Variants in ANKRD26 observed in about 807,000 individuals in gnomAD.
The protein encoded by ANKRD26 is ankyrin repeat domain 26, also known as ankyrin repeat domain-containing protein 26.
In ANKRD26, 141 loss-of-function variants were observed where a neutral mutation model predicts 208.7. The ratio of observed to expected loss-of-function variants is 0.68; its 90% CI spans 0.59 to 0.78. The LOEUF is 0.78. ANKRD26 is among the 30% of genes least tolerant of loss of function. The pLI, the probability that ANKRD26 is intolerant of heterozygous loss-of-function variation, is 0.00. For missense variants in ANKRD26, 1,889 were observed against 1,938.7 expected (o/e 0.97, Z 0.48); for synonymous variants, 636 against 660.4 (o/e 0.96, Z 0.57).
At chr10:27,091,049 T>C (rs2056282604) in intron 4 of ANKRD26, among the ~76,000 whole-genome samples, 1 of 151,404 alleles carries the variant, frequency 6.6e-6, no homozygotes, top group Admixed American at 6.6e-5. Context: ...GGAGCCAACA[T>C]CACACCATTG....
intron 32 of ANKRD26, among the ~76,000 whole-genome samples, chr10:27,012,465 A>G (rs1310810392): frequency 6.6e-6 from 1 of 152,138 alleles, no homozygotes; most frequent in Admixed American, 6.5e-5. Flanking sequence ...TTTACTTATC[A>G]AGCATAAGTC....
chr10:27,017,669 G>T lies in ANKRD26; in HGVS notation c.4339C>A (p.Leu1447Ile). Residue 1447 changes from leucine (L) to isoleucine (I), a missense_variant, in exon 30 of 34, where the codon CTA becomes ATA. By Grantham distance (5) the Leu-to-Ile change is conservative. This residue lies in a region of ANKRD26 where 613 missense variants were observed against 648.2 expected (regional missense o/e 0.95). Transcript: ENST00000376087. Reference sequence around the variant, plus strand: ...TCCAACTTCTTTTTATTCTTCTGTAGTTTTTCACATTTCTTTTGTACTGTT... The same window carrying T: ...TCCAACTTCTTTTTATTCTTCTGTATTTTTTCACATTTCTTTTGTACTGTT... The part of the protein sequence containing the change: ...MKTVQKKCEK[L>I]QKNKKKLEQE... 6.2e-7 allele frequency: 1 copy of T among 1,613,374 alleles called. No individual in the cohort carries two copies. The highest frequency in any genetic ancestry group is 8.5e-7 in the Non-Finnish European group (1 of 1,179,802).
At chr10:27,040,674 A>T (rs1456778355) in intron 20 of ANKRD26, among the ~76,000 whole-genome samples, 1 of 152,206 alleles carries the variant, frequency 6.6e-6, no homozygotes, top group Non-Finnish European at 1.5e-5. Flanking sequence ...AAAATACATG[A>T]AACAACGAGT....
the ANKRD26 span, among the ~76,000 whole-genome samples, chr10:26,964,590 C>G: frequency 1.3e-5 from 2 of 152,174 alleles, no homozygotes; most frequent in African/African-American, 4.8e-5. Context: ...AGTGGCTTCC[C>G]ATCTCATCAG....
chr10:27,020,521 G>A (rs900688290), intron 29 of ANKRD26, among the ~76,000 whole-genome samples: 41 of 151,664 alleles, frequency 2.7e-4, no homozygotes, highest in African/African-American at 8.8e-4. Flanking sequence ...CCATGAGCTC[G>A]GTTTTCTTTT....
At chr10:27,026,220 T>G (rs1242111618) in intron 27 of ANKRD26, among the ~76,000 whole-genome samples, 4 of 152,226 alleles carry the variant, frequency 2.6e-5, no homozygotes. Context: ...AGTGTACATT[T>G]CAAAGTGACT....
chr10:27,020,886 T>A (rs1177014908), intron 29 of ANKRD26, among the ~76,000 whole-genome samples: 1 of 152,124 alleles, frequency 6.6e-6, no homozygotes, highest in Non-Finnish European at 1.5e-5. Context: ...GTCTCGGAAC[T>A]CCTGACTTCA....
chr10:26,951,754 A>T, the ANKRD26 span, among the ~76,000 whole-genome samples: 37 of 152,206 alleles, frequency 2.4e-4, no homozygotes, highest in South Asian at 4.1e-4. Context: ...ATGTTGAATA[A>T]TATTAATTAT....
At chr10:26,987,181 C>CA (rs1297704224), downstream of ANKRD26, among the ~76,000 whole-genome samples, 2 of 151,364 alleles carry the variant, frequency 1.3e-5, no homozygotes, top group Admixed American at 6.6e-5. Flanking sequence ...ATTGCAAGGA[C>CA]AAAAAACCAA....
chr10:27,037,495 T>C (rs2054083393), intron 22 of ANKRD26, among the ~76,000 whole-genome samples, 172 bp from the exon 23 acceptor site: 1 of 152,186 alleles, frequency 6.6e-6, no homozygotes. Context: ...GACAGCTAAA[T>C]TAATCAAAAA....
At position 27,043,568 on chromosome 10, in the gene ANKRD26, C is replaced by T. The variant is rs748624410; in HGVS notation, c.2020-1G>A. On this transcript the variant is annotated splice_acceptor_variant, in intron 19 of 33. Transcript: ENST00000376087. LOFTEE classifies it high-confidence loss of function. ...CCATAGACTGTATTTGGTTTTTGAC[C>T]TATGAAATAAATAACACTGTTTCAA... is the stretch of plus-strand genomic sequence containing the variant. 1 of 1,612,308 alleles carries T rather than the reference C, an allele frequency of 6.2e-7. No homozygotes were observed. Among genetic ancestry groups the T allele is most frequent in the Non-Finnish European group, 8.5e-7 (1 of 1,178,642 alleles).
At chr10:27,082,978 A>G (rs1564425178) in intron 5 of ANKRD26, 145 bp from the exon 6 acceptor site, 2 of 1,209,622 alleles carry the variant, frequency 1.7e-6, no homozygotes, top group East Asian at 2.8e-5. Context: ...CTCTATAAAT[A>G]TTCCATTATA....
intron 22 of ANKRD26, 36 bp from the exon 23 acceptor site, chr10:27,037,359 T>G: frequency 3.1e-6 from 5 of 1,611,702 alleles, no homozygotes; most frequent in Non-Finnish European, 4.2e-6. Context: ...TATTAGCATT[T>G]TGTAAAAGTC....
intron 6 of ANKRD26, chr10:27,080,760 A>C (rs3781102): frequency 1.9e-5 from 19 of 985,358 alleles, no homozygotes; most frequent in Non-Finnish European, 2.3e-5. Context: ...GAAGCTCTCT[A>C]TATCTCTGCT....
intron 27 of ANKRD26, among the ~76,000 whole-genome samples, chr10:27,028,636 A>G (rs1286446014): frequency 2.6e-5 from 4 of 151,550 alleles, no homozygotes; most frequent in Admixed American, 1.3e-4. Context: ...GGCTACATAT[A>G]TAAGGTATAT....
At chr10:26,999,008 A>C (rs1046675940) in intron 4 of ANKRD26, among the ~76,000 whole-genome samples, 1 of 152,180 alleles carries the variant, frequency 6.6e-6, no homozygotes, top group Non-Finnish European at 1.5e-5. Context: ...GATTTCTCTG[A>C]GATAAAGCAC....
intron 15 of ANKRD26, 53 bp from the exon 16 acceptor site, chr10:27,053,443 A>C (rs2054733955): frequency 7.7e-6 from 9 of 1,171,170 alleles, no homozygotes; most frequent in Non-Finnish European, 1.0e-5. Flanking sequence ...AGTTAGGTAA[A>C]AGGTATAGTC....
intron 15 of ANKRD26, among the ~76,000 whole-genome samples, chr10:27,053,935 CT>C (rs1207457451): frequency 1.3e-5 from 2 of 152,152 alleles, no homozygotes; most frequent in Admixed American, 6.5e-5. Context: ...ATTACTGCTA[CT>C]TTTTACATCT....
chr10:27,010,051 G>A (rs1483143385), intron 32 of ANKRD26, among the ~76,000 whole-genome samples: 1 of 152,114 alleles, frequency 6.6e-6, no homozygotes, highest in Non-Finnish European at 1.5e-5. Context: ...GGAAGTCACA[G>A]CTTCAGAGCC....
Sources: allele counts gnomAD v4.1 joint callset (sites outside exome capture counted in the v4.1 genomes callset), GRCh38; gene constraint gnomAD v4.1.1; regional missense constraint gnomAD v4.1.1; transcripts MANE v1.5; gene names NCBI Gene and HGNC (gene_info 2026-07-23, HGNC 2026-07-21).